Variants in PHC3 observed in about 807,000 individuals in gnomAD.
PHC3 encodes polyhomeotic homolog 3, also known as polyhomeotic-like protein 3.
In PHC3, 13 loss-of-function variants were observed where a neutral mutation model predicts 107.4. The ratio of observed to expected loss-of-function variants is 0.12; its 90% CI spans 0.08 to 0.19. The LOEUF is 0.19. PHC3 is among the 10% of genes least tolerant of loss of function. The probability of loss-of-function intolerance (pLI) is 1.00; values close to 1 mark genes in which losing one functional copy is unlikely to be tolerated. For synonymous variants in PHC3, 456 were observed against 427.4 expected (o/e 1.07, Z -0.83); for missense variants, 992 against 1,210.9 (o/e 0.82, Z 2.68).
In PHC3 at chr3:170,129,141, G is replaced by A. The variant is rs1471348287; in HGVS notation, c.1331C>T (p.Pro444Leu). 1.2e-6 allele frequency: 2 copies of A among 1,613,844 alleles called. No homozygotes were observed. Among genetic ancestry groups the A allele is most frequent in the Non-Finnish European group, 1.7e-6 (2 of 1,179,814 alleles). The change falls in exon 8 of 15, where the codon CCA becomes CTA. Residue 444 changes from proline (P) to leucine (L), a missense_variant. This residue lies in a region of PHC3 where 543 missense variants were observed against 590.8 expected (regional missense o/e 0.92). Transcript: ENST00000495893. ...PHPLVSSALQ[P>L]GPNLQQSTAN... Reference sequence around the variant, plus strand: ...AGTGGACTGCTGCAAATTTGGCCCTGGCTGGAGAGCTGATGACACAAGAGG... The same window carrying A: ...AGTGGACTGCTGCAAATTTGGCCCTAGCTGGAGAGCTGATGACACAAGAGG...
rs1478410657 is a variant in PHC3, at chr3:170,172,621, T to C, written c.272A>G (p.His91Arg). The C allele has an allele frequency of 1.9e-6, 3 of 1,613,732 alleles. No homozygotes were observed. The highest frequency in any genetic ancestry group is 2.2e-5 in the East Asian group (1 of 44,876). The change falls in exon 3 of 15, where the codon CAT becomes CGT. Residue 91 changes from histidine (H) to arginine (R), a missense_variant. This residue lies in a region of PHC3 where 161 missense variants were observed against 183.7 expected (regional missense o/e 0.88). Transcript: ENST00000495893. The stretch of plus-strand genomic sequence containing the variant: ...ATGCTGCTGCTGAAGAGCTGCAGTA[T>C]GCAGCATCAAGTGCTGTTGTTGGGC... ...YAAQQQHLML[H>R]TAALQQQHLS...
intron 6 of PHC3, among the ~76,000 whole-genome samples, chr3:170,138,309 G>A (rs1042682592): frequency 1.3e-5 from 2 of 152,172 alleles, no homozygotes; most frequent in African/African-American, 4.8e-5. Context: ...ACCATATGGA[G>A]TGTCTTCTCT....
At chr3:170,100,625 T>C (rs1011919738) in intron 14 of PHC3, among the ~76,000 whole-genome samples, 47 of 152,284 alleles carry the variant, frequency 3.1e-4, no homozygotes, top group Admixed American at 2.9e-3. Context: ...CAAAATTAAG[T>C]GTCTAGATGA....
Position 170,095,358 on chromosome 3 carries a change from G to A in PHC3, c.*1872C>T, listed in dbSNP as rs999757965. The A allele has an allele frequency of 6.6e-6, 1 of 152,018 alleles. No homozygotes were observed. Among genetic ancestry groups the A allele is most frequent in the African/African-American group, 2.4e-5 (1 of 41,392 alleles). The allele number at this position is 152,018 out of a possible 1,614,324, so 9.4% of individuals were successfully genotyped here. ...ATTCTAATCCTACATGTAACTATCA[G>A]TAAACATCTTTTTTTAAAACATTAC... On this transcript the variant is annotated 3_prime_UTR_variant, in exon 15 of 15. Coordinates refer to ENST00000495893, the MANE Select transcript of PHC3 (RefSeq NM_024947.4).
chr3:170,153,664 G>GAGGCAGGAGAA (rs1560104313), intron 4 of PHC3, among the ~76,000 whole-genome samples: 1 of 151,588 alleles, frequency 6.6e-6, no homozygotes, highest in Non-Finnish European at 1.5e-5. Flanking sequence ...TCGGGAGGCT[G>GAGGCAGGAGAA]AGGCAGGAGA....
intron 2 of PHC3, among the ~76,000 whole-genome samples, chr3:170,175,449 G>A (rs1304187605): frequency 1.3e-5 from 2 of 151,820 alleles, no homozygotes; most frequent in Admixed American, 1.3e-4. Flanking sequence ...ACTAGCCTGG[G>A]CGACATAGTG....
intron 4 of PHC3, among the ~76,000 whole-genome samples, chr3:170,159,164 CG>C (rs200673194): frequency 0.02 from 2,984 of 146,274 alleles, 97 homozygotes; most frequent in African/African-American, 0.071. Flanking sequence ...GGCAGGAGAA[CG>C]GGCGTGAACC....
intron 4 of PHC3, chr3:170,170,473 T>A (rs991138344): frequency 1.3e-5 from 2 of 151,148 alleles, no homozygotes; most frequent in Non-Finnish European, 1.5e-5. Context: ...AGTGATGAGG[T>A]TGGGAAACCT....
chr3:170,095,988 A>C lies in PHC3; in HGVS notation c.*1242T>G, dbSNP rs995194627. 6.6e-6 allele frequency: 1 copy of C among 152,204 alleles called. No homozygotes were observed. Among genetic ancestry groups the C allele is most frequent in the African/African-American group, 2.4e-5 (1 of 41,442 alleles). The allele number at this position is 152,204 out of a possible 1,614,324, so 9.4% of individuals were successfully genotyped here. A position where few individuals can be genotyped will look rare whatever the true frequency, so the allele number is the denominator to read the frequency against. ...CCCAGCATGTTCAACAATAGAAAAA[A>C]ATCCAAAGAGCAACCACGTATCTGC... On this transcript the variant is annotated 3_prime_UTR_variant, in exon 15 of 15. Transcript: ENST00000495893.
chr3:170,091,138 A>G lies in PHC3; in HGVS notation c.*6092T>C, dbSNP rs1354435794. 5 of 152,220 alleles carry G rather than the reference A, an allele frequency of 3.3e-5. No individual in the cohort carries two copies. The highest frequency in any genetic ancestry group is 7.3e-5 in the Non-Finnish European group (5 of 68,034). 9.4% of individuals were successfully genotyped at this position (152,220 alleles called of 1,614,324 possible). A position where few individuals can be genotyped will look rare whatever the true frequency, so the allele number is the denominator to read the frequency against. On this transcript the variant is annotated 3_prime_UTR_variant, in exon 15 of 15. Coordinates refer to ENST00000495893, the MANE Select transcript of PHC3 (RefSeq NM_024947.4). ...TTGGATTTAACACTGATAATATTCC[A>G]TGAAATATAACTTTTAAGCCAATAA...
Position 170,178,821 on chromosome 3 carries a change from C to T in PHC3, c.132G>A (p.Gln44=), listed in dbSNP as rs778014746. The T allele has an allele frequency of 9.3e-6, 15 of 1,613,966 alleles. No individual in the cohort carries two copies. The highest frequency in any genetic ancestry group is 1.7e-4 in the Middle Eastern group (1 of 6,060). Residue 44 remains glutamine, a synonymous_variant, in exon 2 of 15, where the codon CAG becomes CAA. Transcript: ENST00000495893. ...TTITTSSSRM[Q]QPQISVYSGS... ...CACTGTAGACAGAGATCTGTGGCTG[C>T]TGCATTCGAGAGGAGGAAGTGGTGA...
chr3:170,172,759 T>C (rs1378605632), intron 2 of PHC3, 47 bp from the exon 3 acceptor site: 1 of 1,542,634 alleles, frequency 6.5e-7, no homozygotes, highest in Non-Finnish European at 8.8e-7. Context: ...TCTCAACCTT[T>C]ATCTTAATCA....
At chr3:170,161,067 A>G (rs1352423112) in intron 4 of PHC3, among the ~76,000 whole-genome samples, 2 of 152,232 alleles carry the variant, frequency 1.3e-5, no homozygotes, top group Non-Finnish European at 2.9e-5. Context: ...CCTACCATAC[A>G]TCTTTCAACA....
Position 170,097,503 on chromosome 3 carries a change from A to C in PHC3, c.2834-119T>G. ...GAATCTGAAATACAGGCTGAGAAAC[A>C]AATGAAATTTATTTATGGTAGTCTT... On this transcript the variant is annotated intron_variant, in intron 14 of 14. Coordinates refer to ENST00000495893, the MANE Select transcript of PHC3 (RefSeq NM_024947.4). This position sits in a 1 kb window ranked among gnomAD's most constrained non-coding sequence, Gnocchi z 4.1. 1 of 954,698 alleles carries C rather than the reference A, an allele frequency of 1.0e-6. No homozygotes were observed. The allele number at this position is 954,698 out of a possible 1,614,324, so 59.1% of individuals were successfully genotyped here. A position where few individuals can be genotyped will look rare whatever the true frequency, so the allele number is the denominator to read the frequency against.
chr3:170,121,750 C>T (rs1264199341), intron 9 of PHC3, among the ~76,000 whole-genome samples: 1 of 152,090 alleles, frequency 6.6e-6, no homozygotes, highest in African/African-American at 2.4e-5. Flanking sequence ...GCTTAGAATG[C>T]TTCATGATTT....
At chr3:170,162,332 C>T (rs1728029003) in intron 4 of PHC3, among the ~76,000 whole-genome samples, 1 of 152,176 alleles carries the variant, frequency 6.6e-6, no homozygotes, top group African/African-American at 2.4e-5. Context: ...AGGTGGGTGT[C>T]TAATACACAT....
intron 10 of PHC3, 127 bp from the exon 11 acceptor site, chr3:170,113,646 T>A: frequency 1.2e-6 from 1 of 830,342 alleles, no homozygotes; most frequent in Non-Finnish European, 1.8e-6. Flanking sequence ...ATCAGATCCA[T>A]TTAGTAAGTG....
At chr3:170,174,284 A>T (rs1215138565) in intron 2 of PHC3, among the ~76,000 whole-genome samples, 1 of 152,162 alleles carries the variant, frequency 6.6e-6, no homozygotes, top group Non-Finnish European at 1.5e-5. Flanking sequence ...AAAAATTTTT[A>T]AATGTCAAAT....
Position 170,089,386 on chromosome 3 carries a change from A to G in PHC3, c.*7844T>C, listed in dbSNP as rs535945257. ...ATGTTTACCCCCTAGATACTTAACA[A>G]TTCAAGCATGGAACTGTTTCATGTT... On this transcript the variant is annotated 3_prime_UTR_variant, in exon 15 of 15. Coordinates refer to ENST00000495893, the MANE Select transcript of PHC3 (RefSeq NM_024947.4). The G allele has an allele frequency of 6.6e-6, 1 of 152,280 alleles. No individual in the cohort carries two copies. The highest frequency in any genetic ancestry group is 2.4e-5 in the African/African-American group (1 of 41,558). The allele number at this position is 152,280 out of a possible 1,614,324, so 9.4% of individuals were successfully genotyped here.
Sources: allele counts gnomAD v4.1 joint callset (sites outside exome capture counted in the v4.1 genomes callset), GRCh38; gene constraint gnomAD v4.1.1; regional missense constraint gnomAD v4.1.1; non-coding constraint Gnocchi (gnomAD v3.1); transcripts MANE v1.5; gene names NCBI Gene and HGNC (gene_info 2026-07-23, HGNC 2026-07-21).